Variants in UBE2K observed in about 807,000 individuals in gnomAD.
The protein encoded by UBE2K is ubiquitin conjugating enzyme E2 K.
A neutral mutation model predicts 30.0 loss-of-function variants in UBE2K; 6 were observed. The observed-to-expected ratio is 0.20, with a 90% CI of 0.11 to 0.39. The LOEUF (loss-of-function observed/expected upper bound fraction) is 0.39, where lower values mean the gene tolerates loss of function less well. UBE2K is among the 10% of genes least tolerant of loss of function. UBE2K has a pLI of 1.00. For missense variants in UBE2K, 61 were observed against 241.6 expected (o/e 0.25, Z 4.96); for synonymous variants, 86 against 83.7 (o/e 1.03, Z -0.15).
At chr4:39,742,411 A>G (rs1160016730) in intron 2 of UBE2K, among the ~76,000 whole-genome samples, 4 of 151,730 alleles carry the variant, frequency 2.6e-5, no homozygotes, top group African/African-American at 9.7e-5. Context: ...ATTTAGTTCA[A>G]CTCATGCATG....
chr4:39,733,049 A>AG lies in UBE2K; in HGVS notation c.64-4369dup, dbSNP rs1407593144. Among the ~76,000 whole-genome samples, 4 of 60,268 alleles carry AG rather than the reference A, an allele frequency of 6.6e-5. No individual in the cohort carries two copies. The East Asian group carries it at 2.0e-3, about 31-fold the overall frequency. The allele number at this position is 60,268 out of a possible 152,430, so 39.5% of individuals were successfully genotyped here. A position where few individuals can be genotyped will look rare whatever the true frequency, so the allele number is the denominator to read the frequency against. ...TGCCTTGAAGCCCCCAGGGAACATCAGGAAAAAAAAAAAAAAAAAAAAAAA... is the reference window on the plus strand; with the variant it reads ...TGCCTTGAAGCCCCCAGGGAACATCAGGGAAAAAAAAAAAAAAAAAAAAAAA... On this transcript the variant is annotated intron_variant, in intron 1 of 6. Transcript: ENST00000261427.
At chr4:39,705,014 G>A (rs563683762) in intron 1 of UBE2K, among the ~76,000 whole-genome samples, 2 of 151,426 alleles carry the variant, frequency 1.3e-5, no homozygotes, top group South Asian at 4.2e-4. Flanking sequence ...GGGATTACAG[G>A]CATGTGCCAG....
intron 4 of UBE2K, chr4:39,770,806 C>T: frequency 6.4e-7 from 1 of 1,557,758 alleles, no homozygotes; most frequent in South Asian, 1.2e-5. Flanking sequence ...GCCGACTCCA[C>T]CTTGACGATG....
intron 1 of UBE2K, among the ~76,000 whole-genome samples, chr4:39,699,103 C>A (rs1385824422): frequency 2.0e-5 from 3 of 152,168 alleles, no homozygotes; most frequent in Non-Finnish European, 2.9e-5. Context: ...ACATCTCAAT[C>A]TTTTGAGTGG....
intron 4 of UBE2K, 134 bp from the exon 5 acceptor site, chr4:39,774,700 G>A (rs1713180947): frequency 2.3e-6 from 1 of 432,792 alleles, no homozygotes; most frequent in Non-Finnish European, 4.1e-6. Flanking sequence ...AAATGTCTAT[G>A]ACTTAACTAT....
Position 39,778,627 on chromosome 4 carries a change from T to A in UBE2K, c.*193T>A. 4.5e-6 allele frequency: 2 copies of A among 444,094 alleles called. No homozygotes were observed. Among genetic ancestry groups the A allele is most frequent in the Non-Finnish European group, 7.9e-6 (2 of 251,588 alleles). The allele number at this position is 444,094 out of a possible 1,614,324, so 27.5% of individuals were successfully genotyped here. On this transcript the variant is annotated 3_prime_UTR_variant, in exon 7 of 7. Transcript: ENST00000261427. ...AAGCTAATTAAACGTCTGTGTAAAT[T>A]TAAAAAGGGGAAATACTTTAATTTT...
chr4:39,774,973 A>G (rs1354003342), intron 5 of UBE2K, 40 bp downstream of exon 5: 6 of 1,405,980 alleles, frequency 4.3e-6, no homozygotes, highest in Admixed American at 1.9e-5. Context: ...TATATTATGT[A>G]TGAGTCTCTA....
chr4:39,705,398 C>T (rs1718291741), intron 1 of UBE2K, among the ~76,000 whole-genome samples: 1 of 151,230 alleles, frequency 6.6e-6, no homozygotes, highest in Non-Finnish European at 1.5e-5. Flanking sequence ...AGGGTTTTAC[C>T]ATGTTGGCCA....
intron 4 of UBE2K, among the ~76,000 whole-genome samples, chr4:39,764,534 C>T (rs1351415114): frequency 6.6e-6 from 1 of 151,624 alleles, no homozygotes; most frequent in Non-Finnish European, 1.5e-5. Flanking sequence ...CAGCCTTGAC[C>T]TTCCAGGCCC....
intron 1 of UBE2K, among the ~76,000 whole-genome samples, chr4:39,733,226 T>C (rs1275908248): frequency 3.3e-5 from 5 of 152,114 alleles, no homozygotes; most frequent in Non-Finnish European, 7.4e-5. Context: ...GTTGCAGTCA[T>C]TGAAGTGAAT....
At chr4:39,737,040 G>A (rs1481428947) in intron 1 of UBE2K, among the ~76,000 whole-genome samples, 1 of 152,166 alleles carries the variant, frequency 6.6e-6, no homozygotes, top group African/African-American at 2.4e-5. Flanking sequence ...TATCGTGGGG[G>A]TATAGTGCAG....
chr4:39,771,020 C>A, intron 4 of UBE2K: 1 of 1,611,830 alleles, frequency 6.2e-7, no homozygotes, highest in Non-Finnish European at 8.5e-7. Flanking sequence ...AGGCTAGCCT[C>A]ACGGACCCCA....
At chr4:39,715,645 G>A (rs1719019159) in intron 1 of UBE2K, among the ~76,000 whole-genome samples, 2 of 152,028 alleles carry the variant, frequency 1.3e-5, no homozygotes, top group South Asian at 2.1e-4. Flanking sequence ...TTTTTCTGGT[G>A]TATTTTACTT....
At chr4:39,755,609 CTG>C (rs1271954420) in intron 3 of UBE2K, 46 bp from the exon 4 acceptor site, 4 of 1,333,768 alleles carry the variant, frequency 3.0e-6, no homozygotes, top group Middle Eastern at 1.9e-4. Flanking sequence ...TCTACTTAAA[CTG>C]TTTTATTTCT....
At chr4:39,733,428 G>A (rs1173709956) in intron 1 of UBE2K, among the ~76,000 whole-genome samples, 1 of 147,936 alleles carries the variant, frequency 6.8e-6, no homozygotes, top group Non-Finnish European at 1.5e-5. Context: ...CACCTCCCAA[G>A]TTCAAGCCAT....
chr4:39,759,308 GCT>G (rs1444695547), intron 4 of UBE2K, among the ~76,000 whole-genome samples: 1 of 151,622 alleles, frequency 6.6e-6, no homozygotes, highest in African/African-American at 2.4e-5. Context: ...GCAAAGTCTC[GCT>G]CTGTCACCCA....
rs60301036 is a variant in UBE2K at position 39,712,368 on chromosome 4, ATTTTTTTTT to A, written c.63+13997_63+14005del. Among the ~76,000 whole-genome samples, 284 of 53,626 alleles carry A rather than the reference ATTTTTTTTT, an allele frequency of 5.3e-3. 1 individual carries two copies. Among genetic ancestry groups the A allele is most frequent in the African/African-American group, 0.021 (262 of 12,346 alleles). 35.2% of individuals were successfully genotyped at this position (53,626 alleles called of 152,430 possible). ...AGGCACCCGCCACTGCGCCCGGCCAATTTTTTTTTTTTTTTTTTTTTTTTTTTCAGTAGA... is the reference window on the plus strand; with the variant it reads ...AGGCACCCGCCACTGCGCCCGGCCAATTTTTTTTTTTTTTTTTTCAGTAGA... On this transcript the variant is annotated intron_variant, in intron 1 of 6. Transcript: ENST00000261427.
rs145064788 is a variant in UBE2K at position 39,720,234 on chromosome 4, G to A, written c.64-17186G>A. Among the ~76,000 whole-genome samples the A allele has an allele frequency of 2.8e-4, 43 of 152,258 alleles. No individual in the cohort carries two copies. The East Asian group carries it at 3.9e-3, about 14-fold the overall frequency. ...AGGTAAAGTTGGATTTCTGTTGCAT[G>A]TAAGTGTTAATAATGTAGTCAGGTC... On this transcript the variant is annotated intron_variant, in intron 1 of 6. Coordinates refer to ENST00000261427, the MANE Select transcript of UBE2K (RefSeq NM_005339.5).
At chr4:39,741,367 A>T (rs992069592) in intron 2 of UBE2K, among the ~76,000 whole-genome samples, 1 of 152,240 alleles carries the variant, frequency 6.6e-6, no homozygotes, top group African/African-American at 2.4e-5. Flanking sequence ...GAGGTAGAGT[A>T]ACTTGAATTC....
Sources: gnomAD v4.1 joint callset for allele counts (sites outside exome capture counted in the v4.1 genomes callset) on GRCh38, gnomAD v4.1.1 for gene constraint, MANE v1.5 for transcripts, NCBI Gene and HGNC (gene_info 2026-07-23, HGNC 2026-07-21) for gene names.